The following ADK variants were observed in gnomAD, a reference collection of about 807,000 sequenced individuals.
ADK encodes the protein N6,N6-dimethyladenosine kinase.
In ADK, 24 loss-of-function variants were observed where a neutral mutation model predicts 44.7. The ratio of observed to expected loss-of-function variants is 0.54; its 90% confidence interval spans 0.39 to 0.76. The LOEUF is 0.76. Ranked by LOEUF, ADK falls within the 30% of genes least tolerant of loss-of-function variation. ADK has a pLI of 0.00. For missense variants in ADK, 321 were observed against 425.1 expected (o/e 0.76, Z 2.15); for synonymous variants, 128 against 142.6 (o/e 0.90, Z 0.73).
chr10:74,171,846 T>G (rs1842170161), intron 1 of ADK, among the ~76,000 whole-genome samples: 1 of 144,606 alleles, frequency 6.9e-6, no homozygotes, highest in South Asian at 2.1e-4. Flanking sequence ...GTGTGTGTAT[T>G]TAGAAAAAGA....
At chr10:74,601,236 G>A (rs999863406) in intron 9 of ADK, among the ~76,000 whole-genome samples, 14 of 151,844 alleles carry the variant, frequency 9.2e-5, no homozygotes, top group Non-Finnish European at 1.5e-5. Context: ...TTATCTATTG[G>A]TGCTAACTAT....
At chr10:74,238,719 T>C (rs1845072998) in intron 3 of ADK, among the ~76,000 whole-genome samples, 3 of 152,118 alleles carry the variant, frequency 2.0e-5, no homozygotes, top group Admixed American at 6.5e-5. Flanking sequence ...ATTTTCAGGC[T>C]CTTTGGTTTT....
intron 6 of ADK, among the ~76,000 whole-genome samples, chr10:74,443,726 T>C (rs1845502268): frequency 6.6e-6 from 1 of 152,102 alleles, no homozygotes; most frequent in Admixed American, 6.6e-5. Context: ...TTTTAAAAAA[T>C]AGATGGTATT....
intron 6 of ADK, among the ~76,000 whole-genome samples, chr10:74,424,535 C>CAAAAAAAAAAAAAAAAAA (rs57106986): frequency 1.0e-4 from 6 of 58,460 alleles, no homozygotes; most frequent in African/African-American, 4.4e-4. Context: ...AACTCCGTCT[C>CAAAAAAAAAAAAAAAAAA]AAAAAAAAAA....
chr10:74,343,937 T>C (rs1841672549), intron 4 of ADK, among the ~76,000 whole-genome samples: 1 of 152,210 alleles, frequency 6.6e-6, no homozygotes, highest in Non-Finnish European at 1.5e-5. Context: ...TGTGTTGAGA[T>C]GATCATGTAA....
chr10:74,480,658 T>A (rs1187400655), intron 6 of ADK, among the ~76,000 whole-genome samples: 1 of 152,232 alleles, frequency 6.6e-6, no homozygotes, highest in Non-Finnish European at 1.5e-5. Flanking sequence ...CTGAAAATAC[T>A]GTTTCATCAT....
At chr10:74,652,869 C>T (rs1265132824) in intron 9 of ADK, among the ~76,000 whole-genome samples, 2 of 152,122 alleles carry the variant, frequency 1.3e-5, no homozygotes, top group Admixed American at 1.3e-4. Flanking sequence ...TTTCTAATTT[C>T]TATGGTGTAA....
intron 7 of ADK, among the ~76,000 whole-genome samples, chr10:74,569,765 C>A (rs1401939790): frequency 6.6e-6 from 1 of 152,164 alleles, no homozygotes; most frequent in African/African-American, 2.4e-5. Flanking sequence ...TGTGCAGAAG[C>A]TCTTTAGCTT....
In ADK at chr10:74,590,409, G is replaced by GT. The variant is rs1239852910; in HGVS notation, c.762+1093dup. On this transcript the variant is annotated intron_variant, in intron 8 of 10. Coordinates refer to ENST00000539909, the MANE Select transcript of ADK (RefSeq NM_006721.4). The stretch of plus-strand genomic sequence containing the variant: ...GTTTGTGAAACTCTTTTTAAATGTA[G>GT]TAAAGGCAGATTATCAAGCAGCAAA... Among the ~76,000 whole-genome samples the GT allele has an allele frequency of 2.6e-5, 4 of 152,042 alleles. No individual in the cohort carries two copies. In the East Asian group the frequency reaches 7.7e-4, roughly 29 times the overall value.
At chr10:74,552,266 A>T (rs1424276702) in intron 7 of ADK, among the ~76,000 whole-genome samples, 1 of 152,206 alleles carries the variant, frequency 6.6e-6, no homozygotes, top group Non-Finnish European at 1.5e-5. Context: ...AAGATTAAAA[A>T]GTGGTGGATA....
chr10:74,290,078 GCA>G lies in ADK; in HGVS notation c.195-24567_195-24566del, dbSNP rs1554838780. Among the ~76,000 whole-genome samples, 738 of 149,070 alleles carry G rather than the reference GCA, an allele frequency of 5.0e-3. 2 individuals are homozygous for G. The highest frequency in any genetic ancestry group is 5.2e-3 in the African/African-American group (209 of 40,482). On this transcript the variant is annotated intron_variant, in intron 3 of 10. Coordinates refer to ENST00000539909, the MANE Select transcript of ADK (RefSeq NM_006721.4). ...ACTCAAGTCACTAAACTACTCACGC[GCA>G]CACACACACACACACACACACTCAC...
chr10:74,455,743 C>T (rs547655485), intron 6 of ADK, among the ~76,000 whole-genome samples: 2 of 152,012 alleles, frequency 1.3e-5, no homozygotes, highest in African/African-American at 2.4e-5. Flanking sequence ...CTCTTGACCT[C>T]GTGATCCTCC....
At chr10:74,194,204 C>T (rs1345759150) in intron 1 of ADK, among the ~76,000 whole-genome samples, 1 of 152,028 alleles carries the variant, frequency 6.6e-6, no homozygotes, top group African/African-American at 2.4e-5. Flanking sequence ...GGGAGTTTGC[C>T]AGGCAAAGGA....
Position 74,408,745 on chromosome 10 carries a change from A to G in ADK, c.555+10166A>G, listed in dbSNP as rs143110492. On this transcript the variant is annotated intron_variant, in intron 6 of 10. Coordinates refer to ENST00000539909, the MANE Select transcript of ADK (RefSeq NM_006721.4). ...TAAGCTAAAGAAAAAATGCTATAATATCATATGGAATGAAAATATATTATT... is the reference window on the plus strand; with the variant it reads ...TAAGCTAAAGAAAAAATGCTATAATGTCATATGGAATGAAAATATATTATT... Among the ~76,000 whole-genome samples, 100 of 152,322 alleles carry G rather than the reference A, an allele frequency of 6.6e-4. 1 individual carries two copies. In the East Asian group the frequency reaches 0.015, roughly 22 times the overall value.
chr10:74,388,959 C>T (rs988082887), intron 4 of ADK, among the ~76,000 whole-genome samples: 2 of 152,208 alleles, frequency 1.3e-5, no homozygotes, highest in African/African-American at 4.8e-5. Context: ...TCTCCCTCTC[C>T]ATGGTGTGGA....
At chr10:74,688,023 T>TA (rs904670339) in intron 10 of ADK, among the ~76,000 whole-genome samples, 2 of 152,224 alleles carry the variant, frequency 1.3e-5, no homozygotes, top group African/African-American at 2.4e-5. Context: ...TGTGGTGATT[T>TA]AAAAAAATCT....
At chr10:74,347,611 C>A (rs891444859) in intron 4 of ADK, among the ~76,000 whole-genome samples, 4 of 152,046 alleles carry the variant, frequency 2.6e-5, no homozygotes, top group African/African-American at 9.7e-5. Flanking sequence ...CAGGGAGCCA[C>A]GTGGTCTTGC....
Position 74,176,853 on chromosome 10 carries a change from C to T in ADK, c.66-23911C>T, listed in dbSNP as rs10824095. ...AGCATCGGACGCGGGCGCCGTGGCG[C>T]TGGGCAGGAGGGCGAAGCCATGACG... is the stretch of plus-strand genomic sequence containing the variant. On this transcript the variant is annotated intron_variant, in intron 1 of 10. Coordinates refer to ENST00000539909, the MANE Select transcript of ADK (RefSeq NM_006721.4). The T allele has an allele frequency of 0.72, 1,156,058 of 1,607,474 alleles. 421,790 individuals are homozygous for T. Among genetic ancestry groups the T allele is most frequent in the Middle Eastern group, 0.85 (5,119 of 6,052 alleles).
intron 7 of ADK, among the ~76,000 whole-genome samples, chr10:74,555,065 G>A (rs1173264925): frequency 6.6e-6 from 1 of 152,178 alleles, no homozygotes; most frequent in Non-Finnish European, 1.5e-5. Context: ...GGGAGGCCAA[G>A]GCAGGAAGAT....
Sources: allele counts gnomAD v4.1 joint callset (sites outside exome capture counted in the v4.1 genomes callset), GRCh38; gene constraint gnomAD v4.1.1; transcripts MANE v1.5; gene names NCBI Gene and HGNC (gene_info 2026-07-23, HGNC 2026-07-21).